Variants in PDE1C observed in about 807,000 individuals in gnomAD.
The protein encoded by PDE1C is dual specificity calcium/calmodulin-dependent 3',5'-cyclic nucleotide phosphodiesterase 1C.
Under a neutral mutation model 93.1 loss-of-function variants are expected in PDE1C, and 62 were observed. The ratio of observed to expected loss-of-function variants is 0.67; its 90% CI spans 0.54 to 0.82. The LOEUF (loss-of-function observed/expected upper bound fraction) is 0.82. Among genes scored for constraint, PDE1C ranks in the 40% least tolerant of loss-of-function variants. PDE1C has a pLI of 0.00. For synonymous variants in PDE1C, 325 were observed against 310.1 expected, an observed-to-expected ratio of 1.05 and a Z score of -0.50; for missense variants, 742 against 884.6, an observed-to-expected ratio of 0.84 and a Z score of 2.04.
intron 2 of PDE1C, among the ~76,000 whole-genome samples, chr7:31,900,894 A>T (rs1799894586): frequency 6.6e-6 from 1 of 151,914 alleles, no homozygotes; most frequent in Admixed American, 6.5e-5. Context: ...TGTACCAAAT[A>T]AATAAGTTCA....
chr7:32,179,043 A>G (rs1432015968), intron 2 of PDE1C, among the ~76,000 whole-genome samples: 4 of 152,230 alleles, frequency 2.6e-5, no homozygotes, highest in African/African-American at 4.8e-5. Flanking sequence ...AACCTAGATT[A>G]CAGAGTTAGA....
exon 1 of PDE1C, chr7:32,298,804 T>C: frequency 6.6e-7 from 1 of 1,526,406 alleles, no homozygotes; most frequent in Non-Finnish European, 8.8e-7. Flanking sequence ...CACGGCGGAG[T>C]GAGCAGCCCG....
At chr7:32,235,655 A>G (rs996947247) in intron 1 of PDE1C, among the ~76,000 whole-genome samples, 2 of 152,068 alleles carry the variant, frequency 1.3e-5, no homozygotes, top group African/African-American at 2.4e-5. Flanking sequence ...ACCAAAGAAG[A>G]CATAAATAAA....
chr7:32,012,715 T>A (rs1333593791), intron 2 of PDE1C, among the ~76,000 whole-genome samples: 2 of 152,192 alleles, frequency 1.3e-5, no homozygotes, highest in Non-Finnish European at 2.9e-5. Flanking sequence ...TATGCATATG[T>A]CAAAACTTAT....
chr7:31,990,118 C>G (rs1220220097), intron 2 of PDE1C, among the ~76,000 whole-genome samples: 3 of 152,102 alleles, frequency 2.0e-5, no homozygotes, highest in Admixed American at 2.0e-4. Flanking sequence ...CAGGAAGGCC[C>G]CTAAACTGGT....
At chr7:31,848,276 G>A (rs1792876638) in intron 8 of PDE1C, among the ~76,000 whole-genome samples, 180 bp from the exon 9 acceptor site, 1 of 151,988 alleles carries the variant, frequency 6.6e-6, no homozygotes, top group Non-Finnish European at 1.5e-5. Context: ...ATGAATGTAG[G>A]GTATGTTATA....
At chr7:31,835,958 G>A (rs1037141392) in intron 11 of PDE1C, among the ~76,000 whole-genome samples, 38 of 152,094 alleles carry the variant, frequency 2.5e-4, no homozygotes, top group African/African-American at 8.9e-4. Context: ...AATAGCAAAA[G>A]AGCCCATCTC....
At chr7:32,343,165 C>G (rs1783790632) in intron 1 of PDE1C, among the ~76,000 whole-genome samples, 1 of 152,152 alleles carries the variant, frequency 6.6e-6, no homozygotes, top group African/African-American at 2.4e-5. Context: ...TCAATTTAAC[C>G]AGAATTACTT....
At chr7:32,034,418 G>A (rs963792694) in intron 2 of PDE1C, among the ~76,000 whole-genome samples, 5 of 151,960 alleles carry the variant, frequency 3.3e-5, no homozygotes, top group African/African-American at 4.8e-5. Flanking sequence ...TTTGTGCCTC[G>A]GACAAAGATG....
the PDE1C span, among the ~76,000 whole-genome samples, chr7:31,669,906 T>C: frequency 6.6e-6 from 1 of 152,204 alleles, no homozygotes; most frequent in African/African-American, 2.4e-5. Flanking sequence ...CCCTTTGAGT[T>C]TGTCAGTTTA....
At chr7:31,623,306 G>C in the PDE1C span, among the ~76,000 whole-genome samples, 1 of 152,108 alleles carries the variant, frequency 6.6e-6, no homozygotes, top group South Asian at 2.1e-4. Context: ...AACCAAAAAA[G>C]AGAATTTTAG....
chr7:31,809,350 T>A (rs960143451), intron 15 of PDE1C, among the ~76,000 whole-genome samples: 7 of 152,080 alleles, frequency 4.6e-5, no homozygotes, highest in Non-Finnish European at 7.4e-5. Flanking sequence ...GCTTATCTTC[T>A]AAGAGAAGCA....
At chr7:31,685,987 T>C in the PDE1C span, among the ~76,000 whole-genome samples, 3 of 152,154 alleles carry the variant, frequency 2.0e-5, no homozygotes, top group Non-Finnish European at 4.4e-5. Flanking sequence ...GCCCTGTTAT[T>C]TGGGATCCTG....
chr7:32,200,170 A>T (rs59159385), intron 2 of PDE1C, among the ~76,000 whole-genome samples: 5,450 of 151,760 alleles, frequency 0.036, 326 homozygotes, highest in African/African-American at 0.12. Flanking sequence ...GTGTTTGCTG[A>T]CTCTTGCTCA....
At chr7:31,623,190 T>C in the PDE1C span, among the ~76,000 whole-genome samples, 2 of 152,106 alleles carry the variant, frequency 1.3e-5, no homozygotes, top group African/African-American at 4.8e-5. Flanking sequence ...GAGGAACTGG[T>C]ACCATTCCTT....
chr7:31,656,604 A>G, the PDE1C span: 1 of 478,260 alleles, frequency 2.1e-6, no homozygotes. Context: ...AGGATAAATT[A>G]TCAGTCTCAG....
chr7:32,283,715 G>A (rs1293765870), intron 1 of PDE1C, among the ~76,000 whole-genome samples: 1 of 152,202 alleles, frequency 6.6e-6, no homozygotes, highest in Non-Finnish European at 1.5e-5. Context: ...TAATGATCCA[G>A]TGACTTCAAC....
At chr7:32,415,782 G>A (rs1785264853) in intron 1 of PDE1C, among the ~76,000 whole-genome samples, 1 of 152,178 alleles carries the variant, frequency 6.6e-6, no homozygotes, top group South Asian at 2.1e-4. Context: ...TGGAAAAAGT[G>A]ACAGAATGGA....
At chr7:31,920,785 T>C (rs1209847238) in intron 2 of PDE1C, among the ~76,000 whole-genome samples, 1 of 152,332 alleles carries the variant, frequency 6.6e-6, no homozygotes, top group Non-Finnish European at 1.5e-5. Flanking sequence ...GAAAACAGCA[T>C]GGCCTCTCCA....
Sources: allele counts gnomAD v4.1 joint callset (sites outside exome capture counted in the v4.1 genomes callset), GRCh38; gene constraint gnomAD v4.1.1; transcripts MANE v1.5; gene names NCBI Gene and HGNC (gene_info 2026-07-23, HGNC 2026-07-21).